ZNF516: variants seen among roughly 807,000 people sequenced by gnomAD.
The protein encoded by ZNF516 is zinc finger protein 516.
Under a neutral mutation model 79.7 loss-of-function variants are expected in ZNF516, and 19 were observed. The ratio of observed to expected loss-of-function variants is 0.24; its 90% CI spans 0.17 to 0.35. The LOEUF is 0.35. Among genes scored for constraint, ZNF516 ranks in the 10% least tolerant of loss-of-function variants. The pLI is 1.00. For synonymous variants in ZNF516, 877 were observed against 739.5 expected (o/e 1.19, Z -3.02); for missense variants, 1,678 against 1,679.5 (o/e 1.00, Z 0.02).
Position 76,379,738 on chromosome 18 carries a change from G to A in ZNF516, c.2376C>T (p.Pro792=), listed in dbSNP as rs753264195. The change falls in exon 4 of 7, where the codon CCC becomes CCT. Residue 792 remains proline (P), a synonymous_variant. Transcript: ENST00000443185. ...WHRVSCNSVA[P]PWIQPNGYKS... ...TGTAACCATTGGGCTGAATCCACGG[G>A]GGAGCCACGGAGTTGCAGCTGACGC... The A allele has an allele frequency of 1.4e-5, 22 of 1,613,780 alleles. No homozygotes were observed. The South Asian group carries it at 2.3e-4, about 17-fold the overall frequency.
chr18:76,491,009 T>TGCCCACCGCCAAC (rs1915151394), intron 1 of ZNF516: 8 of 984,874 alleles, frequency 8.1e-6, no homozygotes, highest in Non-Finnish European at 9.6e-6. Context: ...CAAGCCCGGG[T>TGCCCACCGCCAAC]GCCCACCGCC....
At chr18:76,470,964 A>G (rs530225604) in intron 1 of ZNF516, among the ~76,000 whole-genome samples, 1 of 152,226 alleles carries the variant, frequency 6.6e-6, no homozygotes, top group East Asian at 1.9e-4. Flanking sequence ...CTGATTTTTT[A>G]AATTTCTTTT....
intron 3 of ZNF516, among the ~76,000 whole-genome samples, chr18:76,416,062 G>A (rs2075429453): frequency 6.6e-6 from 1 of 152,206 alleles, no homozygotes. Flanking sequence ...TACTAAGTGT[G>A]CAACTGTTTT....
intron 3 of ZNF516, among the ~76,000 whole-genome samples, chr18:76,420,811 T>C (rs1336368256): frequency 6.6e-6 from 1 of 152,150 alleles, no homozygotes; most frequent in Non-Finnish European, 1.5e-5. Context: ...ATCAGGAAAG[T>C]TTATGCTTAG....
At chr18:76,458,715 G>A (rs553977527) in intron 2 of ZNF516, among the ~76,000 whole-genome samples, 9 of 147,420 alleles carry the variant, frequency 6.1e-5, no homozygotes, top group East Asian at 2.0e-4. Flanking sequence ...CCTCACCGTC[G>A]TGCGTGTGCA....
At chr18:76,441,159 C>A (rs2145533522) in intron 3 of ZNF516, 86 bp downstream of exon 3, 1 of 1,485,136 alleles carries the variant, frequency 6.7e-7, no homozygotes. Context: ...AATGAGCGAG[C>A]CTACTTGAGT....
intron 5 of ZNF516, among the ~76,000 whole-genome samples, chr18:76,370,850 G>T (rs1300650716): frequency 2.0e-5 from 3 of 152,228 alleles, no homozygotes; most frequent in Non-Finnish European, 4.4e-5. Flanking sequence ...CGGTGTGTGT[G>T]TAAGGGACCC....
In ZNF516 at chr18:76,378,840, GC is replaced by G. The variant is rs779019781; in HGVS notation, c.3259+14del. The G allele has an allele frequency of 6.2e-7, 1 of 1,605,786 alleles. No homozygotes were observed. The highest frequency in any genetic ancestry group is 8.5e-7 in the Non-Finnish European group (1 of 1,174,956). On this transcript the variant is annotated intron_variant, in intron 4 of 6. Transcript: ENST00000443185. ...TCACATGTGGCCTGGGGAAGAGAGG[GC>G]CCGCACATCTTACCTCTGTGCTCCA...
chr18:76,418,969 T>C (rs1837889697), intron 3 of ZNF516, among the ~76,000 whole-genome samples: 1 of 152,212 alleles, frequency 6.6e-6, no homozygotes, highest in African/African-American at 2.4e-5. Flanking sequence ...ACGAAAAATG[T>C]GAGACACAGA....
chr18:76,469,316 G>A (rs1913686718), intron 1 of ZNF516, among the ~76,000 whole-genome samples: 1 of 152,130 alleles, frequency 6.6e-6, no homozygotes, highest in Non-Finnish European at 1.5e-5. Flanking sequence ...TACTAAAAAA[G>A]CCACACTCAT....
intron 1 of ZNF516, chr18:76,490,107 A>T (rs1235153677): frequency 1.0e-6 from 1 of 963,944 alleles, no homozygotes; most frequent in Non-Finnish European, 1.2e-6. Context: ...ACCAAAATTC[A>T]AATTCAATTA....
intron 1 of ZNF516, among the ~76,000 whole-genome samples, chr18:76,472,295 A>T (rs772061378): frequency 2.4e-4 from 36 of 152,008 alleles, no homozygotes; most frequent in Non-Finnish European, 4.0e-4. Flanking sequence ...CTTCTCAAAC[A>T]TCAGCTCTTG....
Position 76,451,179 on chromosome 18 carries a change from T to C in ZNF516, c.-157-7968A>G, listed in dbSNP as rs1912388947. Among the ~76,000 whole-genome samples the C allele has an allele frequency of 1.3e-5, 2 of 152,178 alleles. No individual in the cohort carries two copies. The highest frequency in any genetic ancestry group is 1.9e-4 in the East Asian group (1 of 5,186). On this transcript the variant is annotated intron_variant, in intron 2 of 6. Transcript: ENST00000443185. The surrounding 1 kb of genome is among the most constrained non-coding windows in gnomAD (Gnocchi z 6.0). ...GTGGGTGCTGCTTTCCAAATGCCTATCTAGCTTGGCATTTTTTTCAGTTCT... is the reference window on the plus strand; with the variant it reads ...GTGGGTGCTGCTTTCCAAATGCCTACCTAGCTTGGCATTTTTTTCAGTTCT...
At chr18:76,404,862 T>C (rs1284386470) in intron 3 of ZNF516, among the ~76,000 whole-genome samples, 8 of 152,228 alleles carry the variant, frequency 5.3e-5, no homozygotes, top group African/African-American at 7.2e-5. Flanking sequence ...TGTGTGAGCA[T>C]CTGTCCATGT....
In ZNF516 at chr18:76,472,535, T is replaced by C. The variant is rs570468911; in HGVS notation, c.-271-9394A>G. 8.5e-5 allele frequency among the ~76,000 whole-genome samples: 13 copies of C among 152,382 alleles called. No individual in the cohort carries two copies. In the East Asian group the frequency reaches 2.3e-3, roughly 27 times the overall value. ...CTTGCGACACGTGCGCTCACACGCA[T>C]GAACACACAGGTGTATGCACCTCTG... On this transcript the variant is annotated intron_variant, in intron 1 of 6. Transcript: ENST00000443185.
At chr18:76,473,181 C>T (rs184668825) in intron 1 of ZNF516, among the ~76,000 whole-genome samples, 1 of 150,810 alleles carries the variant, frequency 6.6e-6, no homozygotes, top group Non-Finnish European at 1.5e-5. Context: ...AATTCATATT[C>T]CAATAAAGAG....
rs750924745 is a variant in ZNF516 at position 76,379,756 on chromosome 18, G to C, written c.2358C>G (p.Ser786Arg). Residue 786 changes from serine (S) to arginine (R), a missense_variant, in exon 4 of 7, where the codon AGC becomes AGG. By Grantham distance (110) the Ser-to-Arg change is moderately radical. Coordinates refer to ENST00000443185, the MANE Select transcript of ZNF516 (RefSeq NM_014643.4). ...WMHKRIWHRV[S>R]CNSVAPPWIQ... ...TCCACGGGGGAGCCACGGAGTTGCAGCTGACGCGGTGCCAGATGCGTTTGT... is the reference window on the plus strand; with the variant it reads ...TCCACGGGGGAGCCACGGAGTTGCACCTGACGCGGTGCCAGATGCGTTTGT... The C allele has an allele frequency of 1.9e-6, 3 of 1,613,958 alleles. No homozygotes were observed. Among genetic ancestry groups the C allele is most frequent in the Non-Finnish European group, 2.5e-6 (3 of 1,179,884 alleles).
At chr18:76,462,295 A>T (rs1568313527) in intron 2 of ZNF516, among the ~76,000 whole-genome samples, 1 of 152,182 alleles carries the variant, frequency 6.6e-6, no homozygotes, top group African/African-American at 2.4e-5. Context: ...CACTACTTTA[A>T]TCAAATGATG....
chr18:76,490,801 G>A lies in ZNF516; in HGVS notation c.-272+4343C>T, dbSNP rs1239365746. 12 of 985,346 alleles carry A rather than the reference G, an allele frequency of 1.2e-5. No individual in the cohort carries two copies. The South Asian group carries it at 1.4e-4, about 12-fold the overall frequency. The allele number at this position is 985,346 out of a possible 1,614,324, so 61.0% of individuals were successfully genotyped here. ...ACTTGCTGGTTAAGTCACACGACGA[G>A]CGGACCGGAGGGTCCGAGGGCTCCG... On this transcript the variant is annotated intron_variant, in intron 1 of 6. Transcript: ENST00000443185.
Sources: gnomAD v4.1 joint callset for allele counts (sites outside exome capture counted in the v4.1 genomes callset) on GRCh38, gnomAD v4.1.1 for gene constraint, Gnocchi (gnomAD v3.1) non-coding constraint, MANE v1.5 for transcripts, NCBI Gene and HGNC (gene_info 2026-07-23, HGNC 2026-07-21) for gene names.